Variants in MSH6 observed in about 807,000 individuals in gnomAD.
The protein encoded by MSH6 is mutS homolog 6.
A neutral mutation model predicts 119.1 loss-of-function variants in MSH6; 85 were observed. The observed-to-expected ratio is 0.71, with a 90% CI of 0.60 to 0.85. The LOEUF (loss-of-function observed/expected upper bound fraction) is 0.85. Ranked by LOEUF, MSH6 falls within the 40% of genes least tolerant of loss-of-function variation. The pLI is 0.00. For missense variants in MSH6, 2,163 were observed against 1,655.3 expected (o/e 1.31, Z -5.32); for synonymous variants, 830 against 586.9 (o/e 1.41, Z -5.99).
At chr2:47,790,104 A>G (rs1174884350) in intron 1 of MSH6, among the ~76,000 whole-genome samples, 1 of 152,226 alleles carries the variant, frequency 6.6e-6, no homozygotes, top group African/African-American at 2.4e-5. Flanking sequence ...GAATACAACT[A>G]GAATGCTTAA....
intron 2 of MSH6, among the ~76,000 whole-genome samples, chr2:47,794,185 A>G (rs1343900274): frequency 6.6e-6 from 1 of 151,820 alleles, no homozygotes; most frequent in Non-Finnish European, 1.5e-5. Context: ...TACTAAAAAT[A>G]CAAAAATTAG....
intron 2 of MSH6, among the ~76,000 whole-genome samples, chr2:47,792,614 A>G (rs140879303): frequency 3.9e-5 from 6 of 152,254 alleles, no homozygotes; most frequent in African/African-American, 1.4e-4. Context: ...TCGGCCTCCC[A>G]AAGTGCTGAG....
Position 47,795,877 on chromosome 2 carries a change from A to C in MSH6, c.458-17A>C, listed in dbSNP as rs554847828. On this transcript the variant is annotated splice_polypyrimidine_tract_variant and intron_variant, in intron 2 of 9. Coordinates refer to ENST00000234420, the MANE Select transcript of MSH6 (RefSeq NM_000179.3). ...CTGCACCCGGCCCTTATTGTTTATA[A>C]ATACATTTCTTTCTAGGTTCAAAAT... is the stretch of plus-strand genomic sequence containing the variant. 3 of 1,612,410 alleles carry C rather than the reference A, an allele frequency of 1.9e-6. No individual in the cohort carries two copies. Among genetic ancestry groups the C allele is most frequent in the Non-Finnish European group, 2.5e-6 (3 of 1,178,828 alleles).
chr2:47,797,834 C>G (rs1281459077), intron 3 of MSH6: 1 of 229,272 alleles, frequency 4.4e-6, no homozygotes, highest in Non-Finnish European at 9.1e-6. Context: ...CTTTGCCTGT[C>G]TCTTCTTACC....
chr2:47,801,748 T>C (rs1669611743), intron 4 of MSH6, among the ~76,000 whole-genome samples: 1 of 152,168 alleles, frequency 6.6e-6, no homozygotes, highest in Admixed American at 6.5e-5. Context: ...GACAGACCTC[T>C]CGTGTCAGCC....
chr2:47,786,209 A>G (rs1358041127), intron 1 of MSH6, among the ~76,000 whole-genome samples: 1 of 152,226 alleles, frequency 6.6e-6, no homozygotes, highest in East Asian at 1.9e-4. Context: ...AATTGTGGGT[A>G]GGATGAAAGG....
In MSH6 at chr2:47,806,792, G is replaced by C. The variant is rs2104580527; in HGVS notation, c.4015G>C (p.Ala1339Pro). Residue 1339 changes from alanine (A) to proline (P), a missense_variant, in exon 10 of 10, where the codon GCT becomes CCT. Transcript: ENST00000234420. ...SLRLFREVCL[A>P]SERSTVDAEA... ...TTTAATTTTAAGGGAAGTTTGCCTG[G>C]CTAGTGAAAGGTCAACTGTAGATGC... 1 of 1,602,612 alleles carries C rather than the reference G, an allele frequency of 6.2e-7. No homozygotes were observed. The highest frequency in any genetic ancestry group is 8.5e-7 in the Non-Finnish European group (1 of 1,174,984).
chr2:47,790,845 G>A, intron 1 of MSH6, 82 bp from the exon 2 acceptor site: 2 of 1,238,436 alleles, frequency 1.6e-6, no homozygotes, highest in Non-Finnish European at 2.4e-6. Flanking sequence ...CAGAAGACTT[G>A]GAATTGTTTA....
At chr2:47,802,734 A>G (rs1669676980) in intron 4 of MSH6, among the ~76,000 whole-genome samples, 1 of 151,676 alleles carries the variant, frequency 6.6e-6, no homozygotes, top group Admixed American at 6.6e-5. Context: ...ATCTAATGGA[A>G]CAGAATAATA....
intron 4 of MSH6, among the ~76,000 whole-genome samples, chr2:47,802,330 T>G (rs1351761728): frequency 1.3e-5 from 2 of 149,708 alleles, no homozygotes; most frequent in Non-Finnish European, 2.9e-5. Flanking sequence ...TAGGTTTATG[T>G]TGTATATTTT....
At chr2:47,783,741 G>T (rs1419277110) in intron 1 of MSH6, 6 of 468,772 alleles carry the variant, frequency 1.3e-5, no homozygotes, top group Non-Finnish European at 2.0e-5. Flanking sequence ...GACGCGGAGA[G>T]TTCGGGCCTT....
chr2:47,805,083 GAT>G, intron 6 of MSH6, 56 bp downstream of exon 6: 2 of 1,185,574 alleles, frequency 1.7e-6, no homozygotes, highest in South Asian at 2.4e-5. Flanking sequence ...TGTGATAAAA[GAT>G]ATTTGCTTCT....
chr2:47,799,208 G>C lies in MSH6; in HGVS notation c.1225G>C (p.Gly409Arg). ...PEDFLNSCTP[G>R]MRKWWQIKSQ... is the part of the protein sequence containing the mutation. ...GGATTTCCTCAATTCTTGTACTCCT[G>C]GGATGAGGAAGTGGTGGCAGATTAA... is the stretch of plus-strand genomic sequence containing the variant. The change falls in exon 4 of 10, where the codon GGG (glycine) becomes CGG (arginine). Residue 409 changes from glycine (G) to arginine (R), a missense_variant. Coordinates refer to ENST00000234420, the MANE Select transcript of MSH6 (RefSeq NM_000179.3). 1 of 1,614,134 alleles carries C rather than the reference G, an allele frequency of 6.2e-7. No individual in the cohort carries two copies. The highest frequency in any genetic ancestry group is 8.5e-7 in the Non-Finnish European group (1 of 1,180,018).
chr2:47,809,733 G>C, downstream of MSH6: 1 of 1,460,196 alleles, frequency 6.8e-7, no homozygotes, highest in Non-Finnish European at 9.6e-7. Flanking sequence ...CAAACAAGTA[G>C]ATACATCACT....
chr2:47,805,485 G>T, intron 6 of MSH6, 133 bp from the exon 7 acceptor site: 1 of 736,472 alleles, frequency 1.4e-6, no homozygotes, highest in Non-Finnish European at 2.4e-6. Context: ...GCCAATAATT[G>T]CATAGTCTCT....
chr2:47,802,580 G>A (rs1030197874), intron 4 of MSH6, among the ~76,000 whole-genome samples: 7 of 149,640 alleles, frequency 4.7e-5, no homozygotes, highest in South Asian at 2.1e-4. Context: ...CGATCTGCCC[G>A]CCTTGATCTC....
intron 4 of MSH6, among the ~76,000 whole-genome samples, chr2:47,802,657 T>TA (rs1337872546): frequency 2.1e-5 from 3 of 144,626 alleles, no homozygotes; most frequent in East Asian, 1.9e-4. Flanking sequence ...TTTTTTTTTT[T>TA]AAATAATGGT....
In MSH6 at chr2:47,798,679, G is replaced by A. The variant is rs777770119; in HGVS notation, c.696G>A (p.Gln232=). The change falls in exon 4 of 10, where the codon CAG becomes CAA. Residue 232 remains glutamine (Q), a synonymous_variant. Transcript: ENST00000234420. ...DNEIESEEEV[Q]PKTQGSRRSS... is the part of the protein sequence containing the mutation. The stretch of plus-strand genomic sequence containing the variant: ...AAATTGAGAGTGAAGAGGAAGTACA[G>A]CCTAAGACACAAGGATCTAGGCGAA... 4 of 1,613,856 alleles carry A rather than the reference G, an allele frequency of 2.5e-6. No homozygotes were observed. Among genetic ancestry groups the A allele is most frequent in the Non-Finnish European group, 3.4e-6 (4 of 1,180,020 alleles).
rs786201964 is a variant in MSH6 at position 47,799,569 on chromosome 2, G to T, written c.1586G>T (p.Gly529Val). 3 of 1,614,190 alleles carry T rather than the reference G, an allele frequency of 1.9e-6. No individual in the cohort carries two copies. The highest frequency in any genetic ancestry group is 2.5e-6 in the Non-Finnish European group (3 of 1,180,036). ...KGTQTYSVLE[G>V]DPSENYSKYL... ...ACACAGACTTACAGTGTGCTGGAAGGTGATCCCTCTGAGAACTACAGTAAG... is the reference window on the plus strand; with the variant it reads ...ACACAGACTTACAGTGTGCTGGAAGTTGATCCCTCTGAGAACTACAGTAAG... Residue 529 changes from glycine (G) to valine (V), a missense_variant, in exon 4 of 10, where the codon GGT becomes GTT. Physicochemically the swap from Gly to Val is moderately radical, Grantham distance 109. Coordinates refer to ENST00000234420, the MANE Select transcript of MSH6 (RefSeq NM_000179.3).
Sources: allele counts gnomAD v4.1 joint callset (sites outside exome capture counted in the v4.1 genomes callset), GRCh38; gene constraint gnomAD v4.1.1; transcripts MANE v1.5; gene names NCBI Gene and HGNC (gene_info 2026-07-23, HGNC 2026-07-21).